The following ITSN2 variants were observed in gnomAD, a reference collection of about 807,000 sequenced individuals.
The protein encoded by ITSN2 is intersectin-2.
In ITSN2, 156 loss-of-function variants were observed where a neutral mutation model predicts 243.7. The ratio of observed to expected loss-of-function variants is 0.64; its 90% CI spans 0.56 to 0.73. ITSN2 has a LOEUF of 0.73. Ranked by LOEUF, ITSN2 falls within the 30% of genes least tolerant of loss-of-function variation. The pLI, the probability that ITSN2 is intolerant of heterozygous loss-of-function variation, is 0.00. For missense variants in ITSN2, 1,801 were observed against 1,996.1 expected (o/e 0.90, Z 1.86); for synonymous variants, 703 against 699.9 (o/e 1.00, Z -0.07).
At chr2:24,263,703 T>C (rs1208634355) in intron 20 of ITSN2, among the ~76,000 whole-genome samples, 2 of 152,246 alleles carry the variant, frequency 1.3e-5, no homozygotes, top group Admixed American at 6.5e-5. Context: ...GTCTGCCTTT[T>C]TCCACTCAAG....
intron 1 of ITSN2, chr2:24,334,820 T>C (rs1686171238): frequency 1.9e-6 from 2 of 1,042,540 alleles, no homozygotes; most frequent in Non-Finnish European, 2.8e-6. Flanking sequence ...TCCCAGCACT[T>C]TGGGAGGCCG....
At chr2:24,337,901 T>A (rs973066511) in intron 1 of ITSN2, among the ~76,000 whole-genome samples, 2 of 152,176 alleles carry the variant, frequency 1.3e-5, no homozygotes, top group Non-Finnish European at 2.9e-5. Flanking sequence ...TTGAGAAAAG[T>A]GTTCCTGTCT....
Position 24,332,104 on chromosome 2 carries a change from G to A in ITSN2, c.-33-3989C>T, listed in dbSNP as rs565432447. On this transcript the variant is annotated intron_variant, in intron 1 of 39. Coordinates refer to ENST00000355123, the MANE Select transcript of ITSN2 (RefSeq NM_006277.3). The stretch of plus-strand genomic sequence containing the variant: ...ACTAAAAATACAAAATTAGCCAGGC[G>A]TGGGGCACATGCCTGTAATCCCAGC... 5.3e-5 allele frequency among the ~76,000 whole-genome samples: 8 copies of A among 152,232 alleles called. No individual in the cohort carries two copies. The East Asian group carries it at 5.8e-4, about 11-fold the overall frequency.
Position 24,216,218 on chromosome 2 carries a change from C to G in ITSN2, c.3821G>C (p.Arg1274Pro), listed in dbSNP as rs758160883. ...NTKLLKALRVRKKTGGEKMPV... is the reference protein window; with the variant it reads ...NTKLLKALRVPKKTGGEKMPV... The stretch of plus-strand genomic sequence containing the variant: ...CATCTTCTCGCCCCCGGTCTTCTTC[C>G]GCACCCGCAAAGCCCTGCCAAGAAC... Residue 1274 changes from arginine (R) to proline (P), a missense_variant, in exon 32 of 40, where the codon CGG becomes CCG. Physicochemically the swap from Arg to Pro is moderately radical, Grantham distance 103. Coordinates refer to ENST00000355123, the MANE Select transcript of ITSN2 (RefSeq NM_006277.3). 1.2e-6 allele frequency: 2 copies of G among 1,602,356 alleles called. No individual in the cohort carries two copies. Among genetic ancestry groups the G allele is most frequent in the African/African-American group, 2.7e-5 (2 of 74,364 alleles).
At chr2:24,337,176 A>G (rs1686472343) in intron 1 of ITSN2, among the ~76,000 whole-genome samples, 1 of 149,956 alleles carries the variant, frequency 6.7e-6, no homozygotes, top group African/African-American at 2.5e-5. Flanking sequence ...TTCATGATTC[A>G]ATATTTTGAA....
At chr2:24,313,316 C>T (rs1008849007) in intron 4 of ITSN2, 144 bp downstream of exon 4, 4 of 558,280 alleles carry the variant, frequency 7.2e-6, no homozygotes, top group African/African-American at 5.9e-5. Context: ...CTCAAGCAAT[C>T]CTCCTACCTC....
chr2:24,314,412 T>C (rs1224527551), intron 3 of ITSN2, among the ~76,000 whole-genome samples: 2 of 152,196 alleles, frequency 1.3e-5, no homozygotes, highest in African/African-American at 4.8e-5. Flanking sequence ...AAGCCCAGAT[T>C]AACACTAACC....
At chr2:24,241,613 T>C (rs1012110673) in intron 29 of ITSN2, 4 of 152,650 alleles carry the variant, frequency 2.6e-5, no homozygotes, top group South Asian at 2.1e-4. Flanking sequence ...TTCCAGTTCT[T>C]GGCCTTTAAA....
chr2:24,273,058 T>A (rs1373492374), intron 18 of ITSN2, among the ~76,000 whole-genome samples: 1 of 152,224 alleles, frequency 6.6e-6, no homozygotes, highest in Non-Finnish European at 1.5e-5. Flanking sequence ...TTTGTCAGCA[T>A]ATATACCCTT....
At position 24,279,578 on chromosome 2, in the gene ITSN2, T is replaced by C. The variant is rs184849067; in HGVS notation, c.1945-3729A>G. On this transcript the variant is annotated intron_variant, in intron 17 of 39. Transcript: ENST00000355123. ...AAGACAGGCAGATAATGTCAGCATG[T>C]TTTGTAAAGGAAGAAAGCAAATTTG... is the stretch of plus-strand genomic sequence containing the variant. Among the ~76,000 whole-genome samples the C allele has an allele frequency of 2.6e-5, 4 of 152,288 alleles. No individual in the cohort carries two copies. In the East Asian group the frequency reaches 7.7e-4, roughly 29 times the overall value.
intron 1 of ITSN2, among the ~76,000 whole-genome samples, chr2:24,352,264 T>A (rs1403921090): frequency 6.6e-6 from 1 of 152,216 alleles, no homozygotes; most frequent in Non-Finnish European, 1.5e-5. Flanking sequence ...CTGGAAAACA[T>A]CTGGCACATA....
At chr2:24,231,897 T>C (rs1055013769) in intron 29 of ITSN2, among the ~76,000 whole-genome samples, 4 of 152,190 alleles carry the variant, frequency 2.6e-5, no homozygotes, top group African/African-American at 9.7e-5. Context: ...AGTTATACTG[T>C]AGTTAAGCTC....
chr2:24,315,327 T>G, intron 2 of ITSN2, 103 bp from the exon 3 acceptor site: 1 of 627,762 alleles, frequency 1.6e-6, no homozygotes, highest in East Asian at 2.8e-5. Flanking sequence ...ATGACAGTAT[T>G]TAATATTTGA....
At chr2:24,259,588 C>T (rs1675538678) in intron 22 of ITSN2, among the ~76,000 whole-genome samples, 1 of 152,206 alleles carries the variant, frequency 6.6e-6, no homozygotes, top group African/African-American at 2.4e-5. Flanking sequence ...ACCCTTTCTC[C>T]ATGAATCCTG....
chr2:24,291,224 C>T (rs992917259), intron 15 of ITSN2, among the ~76,000 whole-genome samples: 3 of 151,780 alleles, frequency 2.0e-5, no homozygotes, highest in African/African-American at 7.3e-5. Flanking sequence ...CTGCCTCCCA[C>T]GTTCAAGCAA....
intron 1 of ITSN2, among the ~76,000 whole-genome samples, chr2:24,332,654 CA>C (rs1685919224): frequency 6.6e-6 from 1 of 152,110 alleles, no homozygotes; most frequent in African/African-American, 2.4e-5. Flanking sequence ...GCTTTTAAAA[CA>C]TATCATTTCA....
chr2:24,247,337 G>C (rs1270820653), intron 27 of ITSN2, among the ~76,000 whole-genome samples: 1 of 152,202 alleles, frequency 6.6e-6, no homozygotes, highest in African/African-American at 2.4e-5. Flanking sequence ...TGCCAGGAGA[G>C]GACAACTGGA....
At chr2:24,334,695 C>T (rs1035059104) in intron 1 of ITSN2, 9 of 1,584,320 alleles carry the variant, frequency 5.7e-6, no homozygotes, top group Non-Finnish European at 7.7e-6. Context: ...AAGGCTAAAA[C>T]TACAAAGAAG....
chr2:24,339,784 T>G (rs536317930), intron 1 of ITSN2, among the ~76,000 whole-genome samples: 1 of 152,296 alleles, frequency 6.6e-6, no homozygotes, highest in East Asian at 1.9e-4. Flanking sequence ...CCCAGCACTT[T>G]GGGAGGCCAC....
Sources: gnomAD v4.1 joint callset for allele counts (sites outside exome capture counted in the v4.1 genomes callset) on GRCh38, gnomAD v4.1.1 for gene constraint, MANE v1.5 for transcripts, NCBI Gene and HGNC (gene_info 2026-07-23, HGNC 2026-07-21) for gene names.